SMARCAD1: variants seen among roughly 807,000 people sequenced by gnomAD.
SMARCAD1 encodes the protein SWI/SNF-related matrix-associated actin-dependent regulator of chromatin subfamily A containing DEAD/H box 1.
A neutral mutation model predicts 127.1 loss-of-function variants in SMARCAD1; 25 were observed. That is an observed-to-expected ratio of 0.20 (90% CI 0.14 to 0.27). The LOEUF (loss-of-function observed/expected upper bound fraction) is 0.27, where lower values mean the gene tolerates loss of function less well. Among genes scored for constraint, SMARCAD1 ranks in the 10% least tolerant of loss-of-function variants. SMARCAD1 has a pLI of 1.00. For synonymous variants in SMARCAD1, 400 were observed against 396.9 expected (o/e 1.01, Z -0.09); for missense variants, 807 against 1,206.0 (o/e 0.67, Z 4.90).
At chr4:94,256,241 T>A (rs775652873) in intron 9 of SMARCAD1, among the ~76,000 whole-genome samples, 1 of 152,166 alleles carries the variant, frequency 6.6e-6, no homozygotes, top group Non-Finnish European at 1.5e-5. Flanking sequence ...AACATTTAGA[T>A]CAGTGTAGAT....
At chr4:94,273,807 T>A (rs1233200997) in intron 12 of SMARCAD1, 91 bp downstream of exon 12, 2 of 978,904 alleles carry the variant, frequency 2.0e-6, no homozygotes, top group Non-Finnish European at 3.2e-6. Context: ...CGGAGGGGTG[T>A]TGTGGTTTCT....
intron 3 of SMARCAD1, among the ~76,000 whole-genome samples, chr4:94,229,993 A>G (rs1262426819): frequency 2.0e-5 from 3 of 152,014 alleles, no homozygotes; most frequent in Non-Finnish European, 4.4e-5. Flanking sequence ...CTACACCCAT[A>G]CTACTTGACC....
At chr4:94,280,877 C>T (rs940557930) in intron 20 of SMARCAD1, 97 bp downstream of exon 20, 5 of 1,144,644 alleles carry the variant, frequency 4.4e-6, no homozygotes, top group African/African-American at 3.1e-5. Context: ...TAGCCTATGT[C>T]TGTTCTGCAT....
rs1755499260 is a variant in SMARCAD1, at chr4:94,290,122, C to CA, written c.*590dup. ...TATACTAACATCCCCCAGGTCCTCT[C>CA]AAGTACTTCTGCTGAAACAAATTTA... On this transcript the variant is annotated 3_prime_UTR_variant, in exon 24 of 24. Transcript: ENST00000354268. 2.2e-6 allele frequency: 1 copy of CA among 454,378 alleles called. No individual in the cohort carries two copies. The highest frequency in any genetic ancestry group is 2.0e-5 in the African/African-American group (1 of 49,996). 28.1% of individuals were successfully genotyped at this position (454,378 alleles called of 1,614,324 possible).
intron 10 of SMARCAD1, chr4:94,270,483 A>G (rs1752401419): frequency 9.4e-6 from 4 of 424,500 alleles, no homozygotes; most frequent in Non-Finnish European, 1.7e-5. Context: ...GTACTATATT[A>G]TGACCAAATA....
intron 6 of SMARCAD1, among the ~76,000 whole-genome samples, chr4:94,248,917 T>G (rs1486438369): frequency 6.6e-6 from 1 of 152,198 alleles, no homozygotes; most frequent in East Asian, 1.9e-4. Flanking sequence ...ATCTTGTGTG[T>G]ATAGCATGTG....
chr4:94,269,997 C>T (rs931061389), intron 10 of SMARCAD1, among the ~76,000 whole-genome samples: 6 of 151,944 alleles, frequency 3.9e-5, no homozygotes, highest in African/African-American at 1.4e-4. Flanking sequence ...ATATTACTTT[C>T]CAAACAATTC....
At chr4:94,283,677 T>C (rs756733762) in intron 22 of SMARCAD1, among the ~76,000 whole-genome samples, 2 of 151,650 alleles carry the variant, frequency 1.3e-5, no homozygotes, top group Non-Finnish European at 2.9e-5. Flanking sequence ...TACAAAAAAT[T>C]AGCCGGGCAT....
intron 5 of SMARCAD1, among the ~76,000 whole-genome samples, chr4:94,237,498 TAA>T (rs34166467): frequency 2.8e-5 from 4 of 141,672 alleles, no homozygotes; most frequent in Non-Finnish European, 4.6e-5. Context: ...TTACACATAC[TAA>T]AAAAAAAAAA....
chr4:94,275,832 T>C (rs2125988263), intron 14 of SMARCAD1, among the ~76,000 whole-genome samples: 1 of 148,540 alleles, frequency 6.7e-6, no homozygotes, highest in South Asian at 2.1e-4. Context: ...AGTCTCACTC[T>C]GTCCCCCAGG....
At chr4:94,263,302 A>G (rs1315411756) in intron 9 of SMARCAD1, among the ~76,000 whole-genome samples, 1 of 152,116 alleles carries the variant, frequency 6.6e-6, no homozygotes, top group Non-Finnish European at 1.5e-5. Context: ...ATTTAAAAAT[A>G]AAAGTATTTT....
intron 6 of SMARCAD1, among the ~76,000 whole-genome samples, chr4:94,246,224 A>T (rs771169866): frequency 2.6e-5 from 4 of 151,748 alleles, no homozygotes; most frequent in African/African-American, 4.8e-5. Context: ...GGTTCAAGCA[A>T]TTCTCCCACC....
chr4:94,279,415 C>T (rs940222159), intron 19 of SMARCAD1, among the ~76,000 whole-genome samples: 2 of 152,186 alleles, frequency 1.3e-5, no homozygotes, highest in Admixed American at 1.3e-4. Flanking sequence ...GCTGGAATTA[C>T]AGGCATCAGT....
chr4:94,256,564 T>C (rs1186211119), intron 9 of SMARCAD1, among the ~76,000 whole-genome samples: 1 of 152,148 alleles, frequency 6.6e-6, no homozygotes, highest in Admixed American at 6.5e-5. Context: ...AGTTTCACCA[T>C]GTTGGCCAGG....
chr4:94,243,150 G>C (rs1378158441), intron 6 of SMARCAD1, among the ~76,000 whole-genome samples: 2 of 152,156 alleles, frequency 1.3e-5, no homozygotes, highest in Non-Finnish European at 2.9e-5. Flanking sequence ...TATTAGCCGG[G>C]CTGATCTCAA....
intron 7 of SMARCAD1, among the ~76,000 whole-genome samples, chr4:94,250,544 A>G (rs1749132139): frequency 6.6e-6 from 1 of 152,120 alleles, no homozygotes; most frequent in Non-Finnish European, 1.5e-5. Context: ...AAAAATGTCA[A>G]GTTTTCTTTC....
In SMARCAD1 at chr4:94,289,801, TTGG is replaced by T; in HGVS notation, c.*270_*272del. The T allele has an allele frequency of 1.8e-6, 1 of 557,960 alleles. No individual in the cohort carries two copies. The highest frequency in any genetic ancestry group is 3.4e-6 in the Non-Finnish European group (1 of 294,118). 34.6% of individuals were successfully genotyped at this position (557,960 alleles called of 1,614,324 possible). On this transcript the variant is annotated 3_prime_UTR_variant, in exon 24 of 24. Transcript: ENST00000354268. Reference sequence around the variant, plus strand: ...AAGCAGTTTTCTGAATGGGGATTAGTTGGTGATTGTTTGTAACAAATATGCTAA... The same window carrying T: ...AAGCAGTTTTCTGAATGGGGATTAGTTGATTGTTTGTAACAAATATGCTAA...
chr4:94,252,851 T>G lies in SMARCAD1; in HGVS notation c.1125T>G (p.Ser375Arg). The G allele has an allele frequency of 6.2e-7, 1 of 1,614,058 alleles. No homozygotes were observed. Among genetic ancestry groups the G allele is most frequent in the Non-Finnish European group, 8.5e-7 (1 of 1,179,970 alleles). ...DVGSSLDEDYSSGEEVMEDGY... is the reference protein window; with the variant it reads ...DVGSSLDEDYRSGEEVMEDGY... ...GTAGTTCACTAGATGAGGACTATAG[T>G]AGTGGTGAAGAAGTGATGGAGGATG... The change falls in exon 9 of 24, where the codon AGT becomes AGG. Residue 375 changes from serine (S) to arginine (R), a missense_variant. Coordinates refer to ENST00000354268, the MANE Select transcript of SMARCAD1 (RefSeq NM_020159.5).
rs754523111 is a variant in SMARCAD1, at chr4:94,235,881, T to TA, written c.538-1070dup. 4.6e-5 allele frequency among the ~76,000 whole-genome samples: 7 copies of TA among 152,266 alleles called. No individual in the cohort carries two copies. In the East Asian group the frequency reaches 1.2e-3, roughly 25 times the overall value. The stretch of plus-strand genomic sequence containing the variant: ...AATTTTATTGGAAAAATAAGATTGA[T>TA]ATGCATAATTTCCCTGAATGTTTCA... On this transcript the variant is annotated intron_variant, in intron 4 of 23. Transcript: ENST00000354268.
Sources: gnomAD v4.1 joint callset for allele counts (sites outside exome capture counted in the v4.1 genomes callset) on GRCh38, gnomAD v4.1.1 for gene constraint, MANE v1.5 for transcripts, NCBI Gene and HGNC (gene_info 2026-07-23, HGNC 2026-07-21) for gene names.